Variants in UBAP2 observed in about 807,000 individuals in gnomAD.
UBAP2 encodes the protein ubiquitin associated protein 2, also known as ubiquitin-associated protein 2.
A neutral mutation model predicts 139.6 loss-of-function variants in UBAP2; 75 were observed. The observed-to-expected ratio is 0.54, with a 90% CI of 0.45 to 0.65. The LOEUF (loss-of-function observed/expected upper bound fraction) is 0.65, where lower values mean the gene tolerates loss of function less well. Ranked by LOEUF, UBAP2 falls within the 30% of genes least tolerant of loss-of-function variation. The pLI is 0.00. For synonymous variants in UBAP2, 526 were observed against 526.2 expected (o/e 1.00, Z 0.01); for missense variants, 1,368 against 1,369.6 (o/e 1.00, Z 0.02).
chr9:33,969,879 C>CA (rs202190453), intron 8 of UBAP2, among the ~76,000 whole-genome samples: 26 of 145,272 alleles, frequency 1.8e-4, no homozygotes, highest in African/African-American at 5.6e-4. Flanking sequence ...CCCCCACCCC[C>CA]AAAAAAAACC....
chr9:33,944,686 GTTC>G (rs745540110), intron 13 of UBAP2, 47 bp from the exon 14 acceptor site: 34 of 1,588,762 alleles, frequency 2.1e-5, no homozygotes, highest in Non-Finnish European at 2.7e-5. Flanking sequence ...GCTTCACAAT[GTTC>G]TTCAATAGAA....
chr9:34,012,264 C>T (rs954485110), intron 2 of UBAP2, among the ~76,000 whole-genome samples: 5 of 152,188 alleles, frequency 3.3e-5, no homozygotes, highest in Non-Finnish European at 5.9e-5. Flanking sequence ...GGCCCAGTGG[C>T]TCATGCTTGT....
chr9:34,048,225 C>T (rs1241954017), intron 1 of UBAP2, among the ~76,000 whole-genome samples: 1 of 152,202 alleles, frequency 6.6e-6, no homozygotes, highest in East Asian at 1.9e-4. Flanking sequence ...CAAAAACCTA[C>T]ATTAAATAAT....
At chr9:34,029,852 G>GT (rs1825735954) in intron 1 of UBAP2, among the ~76,000 whole-genome samples, 1 of 150,564 alleles carries the variant, frequency 6.6e-6, no homozygotes, top group Non-Finnish European at 1.5e-5. Context: ...GGCCGCTGTG[G>GT]TGGGGGCACC....
At chr9:33,961,508 C>G (rs307665) in intron 9 of UBAP2, among the ~76,000 whole-genome samples, 6,150 of 152,034 alleles carry the variant, frequency 0.04, 268 homozygotes, top group African/African-American at 0.1. Context: ...CATAACACAT[C>G]TAAGTACTTT....
intron 6 of UBAP2, among the ~76,000 whole-genome samples, chr9:33,982,880 G>GTTTTTTTTTTT (rs544925444): frequency 1.4e-5 from 2 of 138,482 alleles, no homozygotes; most frequent in Admixed American, 7.3e-5. Flanking sequence ...GTTTTTTTTT[G>GTTTTTTTTTTT]TTTTTTTTTT....
At chr9:33,925,858 C>T (rs547796659) in intron 22 of UBAP2, among the ~76,000 whole-genome samples, 2 of 152,200 alleles carry the variant, frequency 1.3e-5, no homozygotes, top group Non-Finnish European at 2.9e-5. Context: ...AAACTGCCTG[C>T]AACTCTCTGA....
intron 6 of UBAP2, among the ~76,000 whole-genome samples, chr9:33,981,855 GGGAA>G (rs148902332): frequency 0.012 from 1,717 of 138,896 alleles, 29 homozygotes; most frequent in African/African-American, 0.037. Context: ...AAGGGAGGGA[GGGAA>G]GGAAGGAAGG....
intron 1 of UBAP2, among the ~76,000 whole-genome samples, chr9:34,024,341 T>G (rs1825224776): frequency 5.1e-5 from 2 of 39,072 alleles, no homozygotes; most frequent in African/African-American, 1.7e-4. Flanking sequence ...AAACTCTGTC[T>G]CAAAAAAAAA....
chr9:33,989,198 TC>T, intron 4 of UBAP2, 72 bp from the exon 5 acceptor site: 3 of 1,382,424 alleles, frequency 2.2e-6, no homozygotes, highest in Admixed American at 3.2e-5. Context: ...CATGCATGTA[TC>T]TTTCTTTTTT....
rs765287942 is a variant in UBAP2, at chr9:33,922,495, C to G, written c.*9G>C. The G allele has an allele frequency of 6.2e-7, 1 of 1,613,148 alleles. No individual in the cohort carries two copies. Among genetic ancestry groups the G allele is most frequent in the Non-Finnish European group, 8.5e-7 (1 of 1,179,668 alleles). The stretch of plus-strand genomic sequence containing the variant: ...AAGCCTTGCCCCAGCCCACCCCTCT[C>G]TTCTGGGTTTAGTTTGTCCAGTATG... On this transcript the variant is annotated 3_prime_UTR_variant, in exon 29 of 29. Transcript: ENST00000379238.
Position 33,953,415 on chromosome 9 carries a change from T to G in UBAP2, c.926A>C (p.Asn309Thr), listed in dbSNP as rs751639876. The change falls in exon 12 of 29, where the codon AAC becomes ACC. Residue 309 changes from asparagine to threonine, a missense_variant. Transcript: ENST00000379238. ...CTGCTGTTGGGAAGTTTCAAAGGAG[T>G]TGGCTTCTGAGGCTTGACTGTGAGG... is the stretch of plus-strand genomic sequence containing the variant. Reference protein sequence around the residue: ...PVPHSQASEANSFETSQQQGF... With the variant: ...PVPHSQASEATSFETSQQQGF... The G allele has an allele frequency of 9.3e-6, 15 of 1,613,658 alleles. No homozygotes were observed. In the East Asian group the frequency reaches 2.2e-4, roughly 24 times the overall value.
intron 8 of UBAP2, among the ~76,000 whole-genome samples, chr9:33,970,956 C>G (rs1371933924): frequency 6.6e-6 from 1 of 152,146 alleles, no homozygotes; most frequent in African/African-American, 2.4e-5. Context: ...GCATGTGCCA[C>G]CATGCCCGGC....
Position 33,943,380 on chromosome 9 carries a change from G to C in UBAP2, c.1715+40C>G, listed in dbSNP as rs73477267. On this transcript the variant is annotated intron_variant, in intron 15 of 28. Coordinates refer to ENST00000379238, the MANE Select transcript of UBAP2 (RefSeq NM_001370062.2). Reference sequence around the variant, plus strand: ...CTTTTCCACCAGTTGATCTCTCTTAGGGTCTATTTTGCTTCATAACAAAGG... The same window carrying C: ...CTTTTCCACCAGTTGATCTCTCTTACGGTCTATTTTGCTTCATAACAAAGG... 6.5e-4 allele frequency: 1,038 copies of C among 1,599,000 alleles called. 8 individuals are homozygous for C. In the African/African-American group the frequency reaches 0.012, roughly 19 times the overall value.
chr9:34,039,847 T>TAAAAAAAAAAAA (rs74180526), intron 1 of UBAP2, among the ~76,000 whole-genome samples: 18 of 84,398 alleles, frequency 2.1e-4, no homozygotes, highest in East Asian at 4.0e-4. Context: ...CAATAAATAC[T>TAAAAAAAAAAAA]AAAAAAAAAA....
chr9:33,941,929 CAT>C (rs768233764), intron 15 of UBAP2, 67 bp from the exon 16 acceptor site: 521 of 923,242 alleles, frequency 5.6e-4, no homozygotes, highest in Non-Finnish European at 7.9e-4. Context: ...AAAAAAAAAA[CAT>C]AAACAGCTTC....
At chr9:34,046,889 T>C (rs1827652551) in intron 1 of UBAP2, among the ~76,000 whole-genome samples, 1 of 152,112 alleles carries the variant, frequency 6.6e-6, no homozygotes, top group Non-Finnish European at 1.5e-5. Context: ...ACACTCCTGG[T>C]GATCACTACA....
At chr9:33,943,688 T>A in intron 14 of UBAP2, 99 bp from the exon 15 acceptor site, 1 of 1,101,778 alleles carries the variant, frequency 9.1e-7, no homozygotes. Context: ...TCCCAGGCAA[T>A]ACTGGCAAGA....
intron 13 of UBAP2, among the ~76,000 whole-genome samples, chr9:33,948,042 CCCT>C (rs1219622736): frequency 1.3e-5 from 2 of 151,468 alleles, no homozygotes; most frequent in African/African-American, 4.9e-5. Context: ...TCTATCACCA[CCCT>C]CTTCTAAGAG....
Sources: allele counts gnomAD v4.1 joint callset (sites outside exome capture counted in the v4.1 genomes callset), GRCh38; gene constraint gnomAD v4.1.1; transcripts MANE v1.5; gene names NCBI Gene and HGNC (gene_info 2026-07-23, HGNC 2026-07-21).